The following CFAP47 variants were observed in gnomAD, a reference collection of about 807,000 sequenced individuals.
CFAP47 encodes cilia- and flagella-associated protein 47.
Under a neutral mutation model 148.1 loss-of-function variants are expected in CFAP47, and 29 were observed. That is an observed-to-expected ratio of 0.20 (90% CI 0.15 to 0.27). The LOEUF is 0.27. Among genes scored for constraint, CFAP47 ranks in the 10% least tolerant of loss-of-function variants. CFAP47 has a pLI of 1.00. For missense variants in CFAP47, 1,872 were observed against 1,697.5 expected (o/e 1.10, Z -1.81); for synonymous variants, 664 against 577.3 (o/e 1.15, Z -2.15).
intron 57 of CFAP47, among the ~76,000 whole-genome samples, chrX:36,333,446 G>A (rs1264728799): frequency 2.7e-5 from 3 of 110,653 alleles, no homozygotes; most frequent in East Asian, 5.6e-4. Flanking sequence ...AATCCTGGGC[G>A]TGGAGGTAGG....
chrX:36,039,760 G>A (rs1937381391), intron 25 of CFAP47, among the ~76,000 whole-genome samples: 1 of 111,871 alleles, frequency 8.9e-6, no homozygotes, highest in Non-Finnish European at 1.9e-5. Flanking sequence ...TCCTAGCCAT[G>A]TGGTCACATC....
intron 39 of CFAP47, among the ~76,000 whole-genome samples, chrX:36,172,950 G>A (rs1939606421): frequency 1.8e-5 from 2 of 111,152 alleles, no homozygotes; most frequent in Admixed American, 9.6e-5. Flanking sequence ...TTGTTGGTAA[G>A]CTATTGATTA....
intron 39 of CFAP47, among the ~76,000 whole-genome samples, chrX:36,167,731 A>G (rs1939509829): frequency 8.9e-6 from 1 of 111,793 alleles, no homozygotes; most frequent in Admixed American, 9.4e-5. Context: ...TCTGAAACTA[A>G]GTTTCTTTTT....
At position 36,284,552 on chromosome X, in the gene CFAP47, G is replaced by A. The variant is rs1464462219; in HGVS notation, c.7589-1077G>A. Among the ~76,000 whole-genome samples, 7 of 111,097 alleles carry A rather than the reference G, an allele frequency of 6.3e-5. No homozygotes were observed. In the East Asian group the frequency reaches 1.7e-3, roughly 27 times the overall value. ...TACAATCCCATACAAAGCTATGAAC[G>A]CCATACAGTGCAATACAATACAACA... is the stretch of plus-strand genomic sequence containing the variant. On this transcript the variant is annotated intron_variant, in intron 50 of 63. Coordinates refer to ENST00000378653, the MANE Select transcript of CFAP47 (RefSeq NM_001304548.2).
intron 57 of CFAP47, among the ~76,000 whole-genome samples, chrX:36,324,977 T>G (rs1185346869): frequency 9.0e-6 from 1 of 111,674 alleles, no homozygotes; most frequent in African/African-American, 3.2e-5. Context: ...TACAGTTACA[T>G]CTATATCTAG....
chrX:36,242,449 A>G (rs1281448767), intron 48 of CFAP47, among the ~76,000 whole-genome samples: 1 of 112,001 alleles, frequency 8.9e-6, no homozygotes, highest in Non-Finnish European at 1.9e-5. Context: ...TGATCCAAGG[A>G]GCTGAAAAGT....
At chrX:36,338,035 A>ATTTTTTTTTTT (rs1209274928) in intron 57 of CFAP47, among the ~76,000 whole-genome samples, 77 of 46,562 alleles carry the variant, frequency 1.7e-3, no homozygotes, top group African/African-American at 2.2e-3. Context: ...ACGCCTGGCT[A>ATTTTTTTTTTT]TTTTTTTTTT....
At chrX:36,229,596 T>G (rs1940314137) in intron 46 of CFAP47, among the ~76,000 whole-genome samples, 1 of 111,319 alleles carries the variant, frequency 9.0e-6, no homozygotes, top group African/African-American at 3.3e-5. Flanking sequence ...ACATTTTTGA[T>G]ATTTATTCTT....
intron 61 of CFAP47, among the ~76,000 whole-genome samples, chrX:36,363,137 G>A: frequency 9.0e-6 from 1 of 111,624 alleles, no homozygotes; most frequent in East Asian, 2.8e-4. Context: ...TGAGTGTTGT[G>A]TGATGTTCTG....
chrX:36,272,198 C>A (rs1041504151), intron 49 of CFAP47, among the ~76,000 whole-genome samples: 3 of 111,774 alleles, frequency 2.7e-5, no homozygotes, highest in Non-Finnish European at 5.7e-5. Context: ...AGCATTTCTT[C>A]AAGTAATTGT....
chrX:36,232,466 T>A (rs1940378751), intron 46 of CFAP47, among the ~76,000 whole-genome samples: 1 of 111,796 alleles, frequency 8.9e-6, no homozygotes, highest in East Asian at 2.8e-4. Flanking sequence ...GATATCCCCT[T>A]TATCATTTTT....
intron 57 of CFAP47, among the ~76,000 whole-genome samples, chrX:36,338,816 A>G (rs1178051279): frequency 1.8e-5 from 2 of 112,025 alleles, no homozygotes; most frequent in Non-Finnish European, 3.8e-5. Context: ...CCCTACAGAT[A>G]TCTATGAGGC....
At chrX:35,976,845 A>T (rs1936577708) in intron 15 of CFAP47, among the ~76,000 whole-genome samples, 1 of 112,004 alleles carries the variant, frequency 8.9e-6, no homozygotes, top group African/African-American at 3.2e-5. Flanking sequence ...AATCTCAGAT[A>T]TACCATTTTT....
At chrX:35,998,548 G>A (rs1383666583) in intron 19 of CFAP47, among the ~76,000 whole-genome samples, 1 of 111,769 alleles carries the variant, frequency 8.9e-6, no homozygotes, top group Non-Finnish European at 1.9e-5. Context: ...ATACTGGTGT[G>A]GAGCTAAATT....
Position 35,971,619 on chromosome X carries a change from A to T in CFAP47, c.2004A>T (p.Ile668=). 1 of 1,190,200 alleles carries T rather than the reference A, an allele frequency of 8.4e-7. No homozygotes were observed. Among genetic ancestry groups the T allele is most frequent in the Non-Finnish European group, 1.1e-6 (1 of 882,330 alleles). Residue 668 remains isoleucine (I), a synonymous_variant, in exon 12 of 64, where the codon ATA becomes ATT. Coordinates refer to ENST00000378653, the MANE Select transcript of CFAP47 (RefSeq NM_001304548.2). ...ERMYSYDDTD[I]GLEPGSGLKS... ...TGTATTCATATGATGATACAGACAT[A>T]GGCTTAGAGCCAGGATCAGGTCTAA... is the stretch of plus-strand genomic sequence containing the variant.
chrX:36,176,693 C>T (rs780222107), intron 39 of CFAP47, among the ~76,000 whole-genome samples: 4 of 112,019 alleles, frequency 3.6e-5, no homozygotes, highest in Non-Finnish European at 5.6e-5. Flanking sequence ...ATCATGAGGT[C>T]AGGAGTTCAA....
chrX:36,113,022 A>G (rs1386711871), intron 33 of CFAP47, among the ~76,000 whole-genome samples: 1 of 111,809 alleles, frequency 8.9e-6, no homozygotes, highest in Non-Finnish European at 1.9e-5. Flanking sequence ...ACAGTATACC[A>G]ATGGGTCTTG....
intron 57 of CFAP47, among the ~76,000 whole-genome samples, chrX:36,341,952 A>G (rs1556015822): frequency 9.0e-6 from 1 of 111,178 alleles, no homozygotes; most frequent in Non-Finnish European, 1.9e-5. Context: ...AAAATAATAA[A>G]TCTATCAGTA....
rs191313071 is a variant in CFAP47 at position 36,073,858 on chromosome X, A to G, written c.4691+494A>G. Among the ~76,000 whole-genome samples, 522 of 112,057 alleles carry G rather than the reference A, an allele frequency of 4.7e-3. 4 individuals are homozygous for G. The highest frequency in any genetic ancestry group is 7.6e-3 in the Non-Finnish European group (403 of 53,154). On this transcript the variant is annotated intron_variant, in intron 29 of 63. Transcript: ENST00000378653. ...TAGTTCAACTGTTTTGATTATATCAAGTGACTTACTTCTGTTGTTAATGTA... is the reference window on the plus strand; with the variant it reads ...TAGTTCAACTGTTTTGATTATATCAGGTGACTTACTTCTGTTGTTAATGTA...
Sources: gnomAD v4.1 joint callset for allele counts (sites outside exome capture counted in the v4.1 genomes callset) on GRCh38, gnomAD v4.1.1 for gene constraint, MANE v1.5 for transcripts, NCBI Gene and HGNC (gene_info 2026-07-23, HGNC 2026-07-21) for gene names.